The following PTPRM variants were observed in gnomAD, a reference collection of about 807,000 sequenced individuals.
PTPRM encodes protein tyrosine phosphatase receptor type M, also known as receptor-type tyrosine-protein phosphatase mu.
A neutral mutation model predicts 186.7 loss-of-function variants in PTPRM; 47 were observed. That is an observed-to-expected ratio of 0.25 (90% CI 0.20 to 0.32). PTPRM has a LOEUF of 0.32. Ranked by LOEUF, PTPRM falls within the 10% of genes least tolerant of loss-of-function variation. The pLI is 1.00. For synonymous variants in PTPRM, 668 were observed against 674.9 expected (o/e 0.99, Z 0.16); for missense variants, 1,494 against 1,865.0 (o/e 0.80, Z 3.66).
intron 1 of PTPRM, among the ~76,000 whole-genome samples, chr18:7,587,712 T>A (rs1033679427): frequency 4.0e-4 from 61 of 152,076 alleles, no homozygotes; most frequent in Admixed American, 1.6e-3. Context: ...CTTTAGCCAA[T>A]ACATGTTTTA....
intron 13 of PTPRM, among the ~76,000 whole-genome samples, chr18:8,132,241 G>A (rs149788223): frequency 6.6e-6 from 1 of 152,104 alleles, no homozygotes; most frequent in Non-Finnish European, 1.5e-5. Context: ...CTTTGTGATT[G>A]TAGTACCAAT....
At chr18:8,164,152 C>T (rs1199092031) in intron 14 of PTPRM, among the ~76,000 whole-genome samples, 3 of 152,152 alleles carry the variant, frequency 2.0e-5, no homozygotes, top group Non-Finnish European at 4.4e-5. Context: ...CATAAGTTGA[C>T]CTCACTGGAT....
intron 4 of PTPRM, among the ~76,000 whole-genome samples, chr18:7,912,467 A>C (rs572023019): frequency 3.3e-5 from 5 of 152,108 alleles, no homozygotes; most frequent in Non-Finnish European, 5.9e-5. Context: ...GGGTCTTCCA[A>C]GTTTGTTCTT....
intron 1 of PTPRM, among the ~76,000 whole-genome samples, chr18:7,744,544 T>C (rs987183197): frequency 1.3e-5 from 2 of 152,190 alleles, no homozygotes; most frequent in Non-Finnish European, 2.9e-5. Context: ...ATTGGCTTAT[T>C]ATGTTTATTG....
At chr18:7,942,855 A>G (rs1205642795) in intron 5 of PTPRM, among the ~76,000 whole-genome samples, 1 of 152,034 alleles carries the variant, frequency 6.6e-6, no homozygotes, top group African/African-American at 2.4e-5. Flanking sequence ...TTTCTCCTCC[A>G]TTAGTCCCAA....
intron 7 of PTPRM, among the ~76,000 whole-genome samples, chr18:8,029,780 A>G (rs1025603182): frequency 1.3e-5 from 2 of 152,156 alleles, no homozygotes; most frequent in Non-Finnish European, 2.9e-5. Context: ...GCACACAGTG[A>G]GCCTGCAGGA....
chr18:7,723,546 C>T lies in PTPRM; in HGVS notation c.74-50603C>T, dbSNP rs181496650. 5.9e-5 allele frequency among the ~76,000 whole-genome samples: 9 copies of T among 152,262 alleles called. No individual in the cohort carries two copies. In the East Asian group the frequency reaches 1.5e-3, roughly 26 times the overall value. On this transcript the variant is annotated intron_variant, in intron 1 of 32. Transcript: ENST00000580170. ...GACCTCCACTGACTGTCAGTGCCCA[C>T]CCCTGCCCTCTGTGCTCTGCATCTT...
At chr18:7,892,740 G>A (rs561358141) in intron 3 of PTPRM, among the ~76,000 whole-genome samples, 15 of 152,192 alleles carry the variant, frequency 9.9e-5, no homozygotes, top group Non-Finnish European at 1.5e-4. Context: ...AGTTTGAGAA[G>A]TCCAAGATCA....
rs775290271 is a variant in PTPRM, at chr18:8,376,129, C to G, written c.3255C>G (p.Gly1085=). 21 of 1,614,068 alleles carry G rather than the reference C, an allele frequency of 1.3e-5. No homozygotes were observed. The highest frequency in any genetic ancestry group is 1.7e-5 in the Non-Finnish European group (20 of 1,180,030). Residue 1085 remains glycine (G), a synonymous_variant, in exon 25 of 33, where the codon GGC becomes GGG. Transcript: ENST00000580170. ...PDHGVPYHAT[G]LLGFVRQVKS... ...ATGGGGTCCCCTACCATGCCACCGG[C>G]CTGCTGGGATTCGTGCGGCAAGTCA...
chr18:8,081,832 T>C (rs1016791375), intron 9 of PTPRM, among the ~76,000 whole-genome samples: 1 of 152,186 alleles, frequency 6.6e-6, no homozygotes, highest in African/African-American at 2.4e-5. Flanking sequence ...GGAGAGGATC[T>C]GTAATTTTTA....
chr18:7,706,041 G>A (rs1489915886), intron 1 of PTPRM, among the ~76,000 whole-genome samples: 1 of 148,498 alleles, frequency 6.7e-6, no homozygotes, highest in Non-Finnish European at 1.5e-5. Flanking sequence ...TACTATATAT[G>A]TGTGTGTATA....
At chr18:7,898,554 A>G (rs917059465) in intron 3 of PTPRM, among the ~76,000 whole-genome samples, 2 of 152,198 alleles carry the variant, frequency 1.3e-5, no homozygotes, top group African/African-American at 4.8e-5. Context: ...ATGGATTTTC[A>G]TGAGCAAATG....
intron 1 of PTPRM, among the ~76,000 whole-genome samples, chr18:7,728,265 A>G (rs999326548): frequency 6.6e-6 from 1 of 152,232 alleles, no homozygotes; most frequent in Non-Finnish European, 1.5e-5. Context: ...TCCTTAGTTC[A>G]GCTAAATCTG....
chr18:7,740,114 C>G (rs2040857918), intron 1 of PTPRM, among the ~76,000 whole-genome samples: 1 of 152,198 alleles, frequency 6.6e-6, no homozygotes, highest in African/African-American at 2.4e-5. Context: ...TTTCTATCCT[C>G]AGAGGAAGTT....
At chr18:7,709,202 A>G (rs1189127746) in intron 1 of PTPRM, among the ~76,000 whole-genome samples, 1 of 152,204 alleles carries the variant, frequency 6.6e-6, no homozygotes, top group Non-Finnish European at 1.5e-5. Context: ...TTGAAATCAT[A>G]TCAATTATCT....
At chr18:8,042,952 C>T (rs943488604) in intron 7 of PTPRM, among the ~76,000 whole-genome samples, 1 of 152,150 alleles carries the variant, frequency 6.6e-6, no homozygotes, top group Non-Finnish European at 1.5e-5. Context: ...GCAGGCTTCC[C>T]CTCTTCACTC....
At chr18:7,750,708 G>T (rs952556418) in intron 1 of PTPRM, among the ~76,000 whole-genome samples, 1 of 152,126 alleles carries the variant, frequency 6.6e-6, no homozygotes, top group Non-Finnish European at 1.5e-5. Flanking sequence ...GCTATCTCAT[G>T]ACCACAGGTT....
intron 21 of PTPRM, among the ~76,000 whole-genome samples, chr18:8,317,871 T>C (rs559552254): frequency 1.3e-5 from 2 of 152,160 alleles, no homozygotes; most frequent in African/African-American, 2.4e-5. Context: ...CTCGGACATA[T>C]AGTATGGATA....
intron 1 of PTPRM, among the ~76,000 whole-genome samples, chr18:7,575,562 C>A (rs1055155243): frequency 2.6e-5 from 4 of 152,112 alleles, no homozygotes; most frequent in Non-Finnish European, 5.9e-5. Context: ...TCAATTTTTT[C>A]TTTTTTCTGC....
Sources: allele counts gnomAD v4.1 joint callset (sites outside exome capture counted in the v4.1 genomes callset), GRCh38; gene constraint gnomAD v4.1.1; transcripts MANE v1.5; gene names NCBI Gene and HGNC (gene_info 2026-07-23, HGNC 2026-07-21).